Variants in TRIO observed in about 807,000 individuals in gnomAD.
TRIO encodes triple functional domain protein.
In TRIO, 58 loss-of-function variants were observed where a neutral mutation model predicts 351.9. The observed-to-expected ratio is 0.16, with a 90% CI of 0.13 to 0.21. The LOEUF is 0.21. TRIO is among the 10% of genes least tolerant of loss of function. The pLI is 1.00. For synonymous variants in TRIO, 1,758 were observed against 1,595.7 expected, an observed-to-expected ratio of 1.10 and a Z score of -2.42; for missense variants, 3,201 against 4,027.8, an observed-to-expected ratio of 0.79 and a Z score of 5.56.
Position 14,173,190 on chromosome 5 carries a change from CTTTTTTTTTTTT to C in TRIO, c.157+29322_157+29333del, listed in dbSNP as rs758636385. On this transcript the variant is annotated intron_variant, in intron 1 of 56. Transcript: ENST00000344204. Reference sequence around the variant, plus strand: ...TCTCAGATGCTCACATTGTATGTTCCTTTTTTTTTTTTTTTTTTTTTTTTTGGCGGGAGGGAG... The same window carrying C: ...TCTCAGATGCTCACATTGTATGTTCCTTTTTTTTTTTTTGGCGGGAGGGAG... 1.7e-3 allele frequency among the ~76,000 whole-genome samples: 115 copies of C among 66,508 alleles called. 1 individual carries two copies. In the East Asian group the frequency reaches 0.038, roughly 22 times the overall value. 43.6% of individuals were successfully genotyped at this position (66,508 alleles called of 152,430 possible). A position where few individuals can be genotyped will look rare whatever the true frequency, so the allele number is the denominator to read the frequency against.
intron 16 of TRIO, among the ~76,000 whole-genome samples, chr5:14,368,474 G>T (rs1579447944): frequency 6.6e-6 from 1 of 152,104 alleles, no homozygotes; most frequent in Admixed American, 6.5e-5. Context: ...ATTCTGGGAG[G>T]TCCTGATCAA....
chr5:14,181,089 A>ATTTT (rs35461923), intron 1 of TRIO, among the ~76,000 whole-genome samples: 1 of 148,984 alleles, frequency 6.7e-6, no homozygotes, highest in Non-Finnish European at 1.5e-5. Context: ...ACTACAATGT[A>ATTTT]TTTTTTTTTG....
At chr5:14,319,610 T>C (rs1435888538) in intron 9 of TRIO, among the ~76,000 whole-genome samples, 1 of 152,212 alleles carries the variant, frequency 6.6e-6, no homozygotes, top group Non-Finnish European at 1.5e-5. Context: ...ACAGTGGTTT[T>C]CATTTGATTG....
chr5:14,299,551 A>G (rs1737676210), intron 7 of TRIO, among the ~76,000 whole-genome samples: 1 of 152,182 alleles, frequency 6.6e-6, no homozygotes, highest in Non-Finnish European at 1.5e-5. Context: ...CACTGAAGAA[A>G]AGTAAGATCC....
At chr5:14,348,514 T>C (rs1298374248) in intron 11 of TRIO, among the ~76,000 whole-genome samples, 2 of 152,264 alleles carry the variant, frequency 1.3e-5, no homozygotes, top group Non-Finnish European at 2.9e-5. Flanking sequence ...CACATGCACG[T>C]GAGGATGTGT....
At chr5:14,346,804 T>C (rs971754885) in intron 11 of TRIO, among the ~76,000 whole-genome samples, 7 of 152,242 alleles carry the variant, frequency 4.6e-5, no homozygotes, top group African/African-American at 9.6e-5. Context: ...GACTGTTGAA[T>C]GGCTATAATA....
At chr5:14,212,303 C>T (rs983743895) in intron 1 of TRIO, among the ~76,000 whole-genome samples, 6 of 152,164 alleles carry the variant, frequency 3.9e-5, no homozygotes, top group Admixed American at 2.0e-4. Context: ...ATTTCCAGCT[C>T]GCCCAAGTAT....
At chr5:14,251,805 A>C (rs1308784398) in intron 1 of TRIO, among the ~76,000 whole-genome samples, 1 of 152,166 alleles carries the variant, frequency 6.6e-6, no homozygotes, top group Non-Finnish European at 1.5e-5. Context: ...GCAGGTGTCA[A>C]CAGAAGCCAT....
intron 33 of TRIO, among the ~76,000 whole-genome samples, chr5:14,411,906 G>T (rs1160264222): frequency 6.6e-6 from 1 of 151,892 alleles, no homozygotes; most frequent in African/African-American, 2.4e-5. Context: ...ACTGCATCCA[G>T]CCAGTTTCAG....
chr5:14,359,268 C>A, intron 12 of TRIO, 89 bp from the exon 13 acceptor site: 16 of 1,497,250 alleles, frequency 1.1e-5, no homozygotes, highest in Non-Finnish European at 1.4e-5. Flanking sequence ...TGCCAGCTTT[C>A]TTCCCCTGAA....
chr5:14,289,958 A>G (rs1441217192), intron 4 of TRIO, among the ~76,000 whole-genome samples: 1 of 152,212 alleles, frequency 6.6e-6, no homozygotes, highest in Non-Finnish European at 1.5e-5. Context: ...CAACTCTAGG[A>G]CTGTTCAGAA....
chr5:14,269,086 G>A (rs1795848659), intron 1 of TRIO, among the ~76,000 whole-genome samples: 1 of 152,206 alleles, frequency 6.6e-6, no homozygotes, highest in African/African-American at 2.4e-5. Context: ...GCCTGGTGCT[G>A]TGGAGGCCCC....
In TRIO at chr5:14,454,301, C is replaced by T. The variant is rs1352137886; in HGVS notation, c.5204-6718C>T. On this transcript the variant is annotated intron_variant, in intron 34 of 56. Transcript: ENST00000344204. ...CCCACCCCGACACTGCTTTACATGA[C>T]AGGCAGTGTTCACGTACACTTAGTC... Among the ~76,000 whole-genome samples the T allele has an allele frequency of 3.3e-5, 5 of 152,310 alleles. No homozygotes were observed. In the East Asian group the frequency reaches 7.7e-4, roughly 24 times the overall value.
chr5:14,287,127 G>A, intron 4 of TRIO, 64 bp downstream of exon 4: 2 of 1,509,300 alleles, frequency 1.3e-6, no homozygotes, highest in Non-Finnish European at 1.8e-6. Flanking sequence ...AAGCTATTGA[G>A]GCTAATGAGA....
chr5:14,381,828 A>G (rs1399576981), intron 21 of TRIO, among the ~76,000 whole-genome samples: 1 of 152,258 alleles, frequency 6.6e-6, no homozygotes, highest in Non-Finnish European at 1.5e-5. Flanking sequence ...TAAAAATAAA[A>G]TTATGAAATC....
At chr5:14,237,367 G>A (rs1253635241) in intron 1 of TRIO, among the ~76,000 whole-genome samples, 1 of 152,182 alleles carries the variant, frequency 6.6e-6, no homozygotes, top group Non-Finnish European at 1.5e-5. Flanking sequence ...GTGTTAATGC[G>A]ATTGTCAGTA....
In TRIO at chr5:14,502,973, C is replaced by T. The variant is rs201933675; in HGVS notation, c.8411+316C>T. ...TGGGAGAGTTCAGGAGTCTTTCAAA[C>T]GCTTCTTGTAGTTCTTAATCCTCTT... On this transcript the variant is annotated intron_variant, in intron 54 of 56. Coordinates refer to ENST00000344204, the MANE Select transcript of TRIO (RefSeq NM_007118.4). 1.6e-4 allele frequency among the ~76,000 whole-genome samples: 25 copies of T among 152,332 alleles called. No homozygotes were observed. The East Asian group carries it at 2.5e-3, about 15-fold the overall frequency.
At chr5:14,404,310 C>A (rs1306980672) in intron 31 of TRIO, among the ~76,000 whole-genome samples, 1 of 151,924 alleles carries the variant, frequency 6.6e-6, no homozygotes, top group Non-Finnish European at 1.5e-5. Context: ...ATGAACTATC[C>A]CCTCTCTTAG....
intron 48 of TRIO, among the ~76,000 whole-genome samples, chr5:14,490,258 G>A (rs751976892): frequency 1.3e-5 from 2 of 152,230 alleles, no homozygotes; most frequent in African/African-American, 2.4e-5. Flanking sequence ...CAGCCTGGAT[G>A]ACAGAGGGAG....
Sources: allele counts gnomAD v4.1 joint callset (sites outside exome capture counted in the v4.1 genomes callset), GRCh38; gene constraint gnomAD v4.1.1; transcripts MANE v1.5; gene names NCBI Gene and HGNC (gene_info 2026-07-23, HGNC 2026-07-21).